Variants in EXOC4 observed in about 807,000 individuals in gnomAD.
EXOC4 encodes SEC8-like 1.
EXOC4 carries 71 observed loss-of-function variants against 107.2 expected under a neutral mutation model. The observed-to-expected ratio is 0.66, with a 90% confidence interval of 0.55 to 0.81. The LOEUF is 0.81. Ranked by LOEUF, EXOC4 falls within the 30% of genes least tolerant of loss-of-function variation. The probability of loss-of-function intolerance (pLI) is 0.00; values close to 1 mark genes in which losing one functional copy is unlikely to be tolerated. For synonymous variants in EXOC4, 456 were observed against 441.2 expected, an observed-to-expected ratio of 1.03 and a Z score of -0.42; for missense variants, 1,108 against 1,189.6, an observed-to-expected ratio of 0.93 and a Z score of 1.01.
chr7:133,615,273 T>C (rs1802168390), intron 9 of EXOC4, among the ~76,000 whole-genome samples: 1 of 151,454 alleles, frequency 6.6e-6, no homozygotes, highest in Non-Finnish European at 1.5e-5. Context: ...TCCCTCCTCC[T>C]CCTCCCCCCT....
intron 10 of EXOC4, among the ~76,000 whole-genome samples, chr7:133,813,708 C>G (rs2550993): frequency 0.99 from 150,196 of 152,258 alleles, 74,122 homozygotes; most frequent in Middle Eastern, 1. Flanking sequence ...GGTTTTGGTC[C>G]TATTTTATTT....
chr7:133,584,577 TTTTTTTTG>T (rs1178003734), intron 9 of EXOC4, among the ~76,000 whole-genome samples: 5 of 133,518 alleles, frequency 3.7e-5, no homozygotes, highest in South Asian at 2.6e-4. Context: ...TATTTCAGTT[TTTTTTTTG>T]TTTTTTTTTT....
intron 3 of EXOC4, among the ~76,000 whole-genome samples, chr7:133,294,895 A>G (rs955067295): frequency 6.6e-6 from 1 of 152,048 alleles, no homozygotes; most frequent in Admixed American, 6.6e-5. Flanking sequence ...CTTGAATCCC[A>G]GCTTTGACTC....
intron 9 of EXOC4, among the ~76,000 whole-genome samples, chr7:133,488,093 G>A (rs1393639460): frequency 2.6e-5 from 4 of 152,174 alleles, no homozygotes; most frequent in South Asian, 2.1e-4. Flanking sequence ...CAATTCATAA[G>A]ATAATTTTAT....
At chr7:133,520,965 G>T (rs555989946) in intron 9 of EXOC4, among the ~76,000 whole-genome samples, 1 of 152,092 alleles carries the variant, frequency 6.6e-6, no homozygotes, top group Non-Finnish European at 1.5e-5. Flanking sequence ...GATTACTGTT[G>T]GTGATGATGT....
At chr7:133,400,941 G>T (rs1327236185) in intron 7 of EXOC4, among the ~76,000 whole-genome samples, 1 of 152,204 alleles carries the variant, frequency 6.6e-6, no homozygotes, top group Non-Finnish European at 1.5e-5. Context: ...AGACCTCAGA[G>T]TGGGGGCACG....
chr7:134,027,972 C>T (rs1327702568), intron 17 of EXOC4, among the ~76,000 whole-genome samples: 1 of 152,206 alleles, frequency 6.6e-6, no homozygotes. Context: ...CCTCCTGGAG[C>T]TCTCAACACC....
At chr7:133,355,174 A>G (rs1795995388) in intron 5 of EXOC4, among the ~76,000 whole-genome samples, 1 of 152,218 alleles carries the variant, frequency 6.6e-6, no homozygotes, top group Non-Finnish European at 1.5e-5. Context: ...TGAATAACTT[A>G]GAATGGCTTG....
chr7:133,526,498 C>G (rs1800081249), intron 9 of EXOC4, among the ~76,000 whole-genome samples: 1 of 152,120 alleles, frequency 6.6e-6, no homozygotes, highest in Non-Finnish European at 1.5e-5. Context: ...ATCCATTGAT[C>G]CTACATTCTG....
intron 10 of EXOC4, among the ~76,000 whole-genome samples, chr7:133,794,233 A>G (rs1289481184): frequency 1.3e-5 from 2 of 152,206 alleles, no homozygotes; most frequent in African/African-American, 4.8e-5. Flanking sequence ...AGTTGGAGAA[A>G]TAACTCTTTG....
intron 10 of EXOC4, among the ~76,000 whole-genome samples, chr7:133,660,631 A>G (rs1237991663): frequency 2.0e-5 from 3 of 152,232 alleles, no homozygotes; most frequent in Non-Finnish European, 4.4e-5. Flanking sequence ...TCAGAAGAAT[A>G]TTAAACCTTT....
At chr7:133,378,639 T>C (rs891747414) in intron 7 of EXOC4, among the ~76,000 whole-genome samples, 2 of 152,102 alleles carry the variant, frequency 1.3e-5, no homozygotes, top group African/African-American at 4.8e-5. Context: ...ATGTTTAGGG[T>C]AGCCTATGAT....
At chr7:133,446,407 T>C (rs1798221040) in intron 7 of EXOC4, among the ~76,000 whole-genome samples, 1 of 152,218 alleles carries the variant, frequency 6.6e-6, no homozygotes, top group Non-Finnish European at 1.5e-5. Context: ...TGAATGGTTA[T>C]TCCTAGTTTT....
At chr7:133,742,858 C>T (rs566280696) in intron 10 of EXOC4, among the ~76,000 whole-genome samples, 10 of 152,168 alleles carry the variant, frequency 6.6e-5, no homozygotes, top group South Asian at 2.1e-4. Flanking sequence ...GTTAAAAATA[C>T]GGGAAACATA....
intron 9 of EXOC4, among the ~76,000 whole-genome samples, chr7:133,507,637 A>G (rs1179517024): frequency 6.6e-6 from 1 of 152,218 alleles, no homozygotes; most frequent in Non-Finnish European, 1.5e-5. Flanking sequence ...AGAAGGAATG[A>G]GAATCACTCC....
chr7:133,346,146 G>T (rs1355685677), intron 5 of EXOC4, among the ~76,000 whole-genome samples: 1 of 152,198 alleles, frequency 6.6e-6, no homozygotes, highest in Non-Finnish European at 1.5e-5. Context: ...ACAGAGATAA[G>T]ACATGAGTGG....
At chr7:133,771,542 TA>T in intron 10 of EXOC4, 1 of 152,142 alleles carries the variant, frequency 6.6e-6, no homozygotes. Flanking sequence ...AGAAAAGGAT[TA>T]AATTCTTTGT....
chr7:133,543,855 C>T (rs1800428350), intron 9 of EXOC4, among the ~76,000 whole-genome samples: 1 of 152,116 alleles, frequency 6.6e-6, no homozygotes, highest in Non-Finnish European at 1.5e-5. Flanking sequence ...CTTGACAGTG[C>T]TGTGAGTGAC....
intron 11 of EXOC4, among the ~76,000 whole-genome samples, chr7:133,855,165 A>ATTTATATATATT (rs1798348185): frequency 7.3e-6 from 1 of 136,640 alleles, no homozygotes; most frequent in African/African-American, 3.0e-5. Context: ...AAATATATAT[A>ATTTATATATATT]TTTTTTTTAT....
Sources: allele counts gnomAD v4.1 joint callset (sites outside exome capture counted in the v4.1 genomes callset), GRCh38; gene constraint gnomAD v4.1.1; transcripts MANE v1.5; gene names NCBI Gene and HGNC (gene_info 2026-07-23, HGNC 2026-07-21).